The following DAPK1 variants were observed in gnomAD, a reference collection of about 807,000 sequenced individuals.
DAPK1 encodes death-associated protein kinase 1.
In DAPK1, 56 loss-of-function variants were observed where a neutral mutation model predicts 144.9. That is an observed-to-expected ratio of 0.39 (90% CI 0.31 to 0.48). DAPK1 has a LOEUF of 0.48. DAPK1 is among the 20% of genes least tolerant of loss of function. The pLI is 0.95. For missense variants in DAPK1, 1,454 were observed against 1,875.4 expected (o/e 0.78, Z 4.15); for synonymous variants, 690 against 749.0 (o/e 0.92, Z 1.29).
At chr9:87,672,952 A>G (rs926068647) in intron 19 of DAPK1, among the ~76,000 whole-genome samples, 6 of 152,106 alleles carry the variant, frequency 3.9e-5, no homozygotes, top group Non-Finnish European at 5.9e-5. Flanking sequence ...CGGGTACATG[A>G]TCGGGGAGGG....
chr9:87,549,021 T>A (rs1327118287), intron 2 of DAPK1, among the ~76,000 whole-genome samples: 1 of 149,614 alleles, frequency 6.7e-6, no homozygotes, highest in Non-Finnish European at 1.5e-5. Flanking sequence ...CATGGTGGTT[T>A]GCTGCACAGA....
intron 2 of DAPK1, among the ~76,000 whole-genome samples, chr9:87,541,486 TTGC>T (rs1826050332): frequency 6.6e-6 from 1 of 151,096 alleles, no homozygotes; most frequent in Non-Finnish European, 1.5e-5. Flanking sequence ...GAGGCAAAGA[TTGC>T]GGTGAGTGGA....
intron 2 of DAPK1, among the ~76,000 whole-genome samples, chr9:87,597,728 A>T (rs756510200): frequency 6.6e-6 from 1 of 151,994 alleles, no homozygotes; most frequent in Non-Finnish European, 1.5e-5. Flanking sequence ...CTCCATCTGC[A>T]CAGGGCCCTG....
intron 9 of DAPK1, among the ~76,000 whole-genome samples, chr9:87,641,096 T>G (rs545780293): frequency 2.8e-4 from 43 of 152,210 alleles, no homozygotes; most frequent in African/African-American, 1.0e-3. Context: ...GACAACTGTG[T>G]TTGGAGTGAC....
At chr9:87,636,353 G>C (rs1419859324) in intron 3 of DAPK1, among the ~76,000 whole-genome samples, 3 of 152,212 alleles carry the variant, frequency 2.0e-5, no homozygotes, top group Admixed American at 2.0e-4. Context: ...GGGGATAGGA[G>C]AGTCACTCCA....
chr9:87,646,647 T>A, intron 13 of DAPK1, 88 bp downstream of exon 13: 1 of 953,162 alleles, frequency 1.0e-6, no homozygotes, highest in South Asian at 1.5e-5. Context: ...AAAAAATTTA[T>A]GTCCTAACTT....
At chr9:87,602,574 C>G (rs1322540709) in intron 2 of DAPK1, among the ~76,000 whole-genome samples, 2 of 152,134 alleles carry the variant, frequency 1.3e-5, no homozygotes, top group Admixed American at 1.3e-4. Context: ...GTTTTTGTAT[C>G]TAGGCTTGCA....
At chr9:87,699,974 AG>A (rs1326503601) in intron 23 of DAPK1, 142 bp from the exon 24 acceptor site, 10 of 654,062 alleles carry the variant, frequency 1.5e-5, no homozygotes, top group Non-Finnish European at 2.7e-5. Context: ...CACCAACAGC[AG>A]GGATGGGGAG....
chr9:87,594,922 A>G (rs1383239554), intron 2 of DAPK1, among the ~76,000 whole-genome samples: 1 of 152,154 alleles, frequency 6.6e-6, no homozygotes, highest in African/African-American at 2.4e-5. Flanking sequence ...TAATGGGTCA[A>G]TCCCAGGAAG....
intron 21 of DAPK1, among the ~76,000 whole-genome samples, chr9:87,694,736 G>A (rs555232489): frequency 1.3e-5 from 2 of 152,304 alleles, no homozygotes; most frequent in East Asian, 1.9e-4. Flanking sequence ...GCCAGCCAAG[G>A]TGGTGGCTGC....
At chr9:87,518,361 C>A (rs1179598368) in intron 2 of DAPK1, among the ~76,000 whole-genome samples, 2 of 149,820 alleles carry the variant, frequency 1.3e-5, no homozygotes, top group Non-Finnish European at 1.5e-5. Flanking sequence ...CTCCTGACCT[C>A]TGGTGATCCA....
In DAPK1 at chr9:87,678,654, A is replaced by C. The variant is rs1427891260; in HGVS notation, c.2002-2750A>C. On this transcript the variant is annotated intron_variant, in intron 19 of 25. Transcript: ENST00000408954. ...TGTGGATGATGTGTAAAATGTAGTT[A>C]AGTTCTCAGCTCAGATGATTGTAAA... is the stretch of plus-strand genomic sequence containing the variant. Among the ~76,000 whole-genome samples, 3 of 152,356 alleles carry C rather than the reference A, an allele frequency of 2.0e-5. No individual in the cohort carries two copies. The East Asian group carries it at 5.8e-4, about 29-fold the overall frequency.
At chr9:87,498,766 C>T (rs2270405) in intron 1 of DAPK1, 11 of 435,188 alleles carry the variant, frequency 2.5e-5, no homozygotes, top group Middle Eastern at 6.0e-4. Context: ...CCGTGGTGCC[C>T]GGCCCCACGC....
chr9:87,605,037 C>G lies in DAPK1; in HGVS notation c.146C>G (p.Thr49Ser). The G allele has an allele frequency of 6.2e-7, 1 of 1,614,210 alleles. No homozygotes were observed. The highest frequency in any genetic ancestry group is 1.3e-5 in the African/African-American group (1 of 75,058). ...GCCAAATTCATCAAGAAAAGGAGGA[C>G]TAAGTCCAGCCGGCGGGGTGTGAGC... ...YAAKFIKKRR[T>S]KSSRRGVSRE... The change falls in exon 3 of 26, where the codon ACT becomes AGT. Residue 49 changes from threonine to serine, a missense_variant. By Grantham distance (58) the Thr-to-Ser change is moderately conservative. Coordinates refer to ENST00000408954, the MANE Select transcript of DAPK1 (RefSeq NM_004938.4).
chr9:87,629,556 A>G (rs1829597155), intron 3 of DAPK1, among the ~76,000 whole-genome samples: 2 of 152,096 alleles, frequency 1.3e-5, no homozygotes, highest in African/African-American at 4.8e-5. Context: ...TAAAAATTTT[A>G]TGTAGAGATG....
At chr9:87,585,479 A>G (rs920092203) in intron 2 of DAPK1, among the ~76,000 whole-genome samples, 1 of 152,266 alleles carries the variant, frequency 6.6e-6, no homozygotes, top group Non-Finnish European at 1.5e-5. Context: ...AGTGCACACA[A>G]ATTACGAGCT....
intron 2 of DAPK1, chr9:87,554,149 C>T (rs575157204): frequency 8.5e-5 from 13 of 152,310 alleles, no homozygotes; most frequent in African/African-American, 2.4e-4. Context: ...GCATACATCA[C>T]GAGCAGCATT....
At chr9:87,665,824 G>A (rs754815756) in intron 18 of DAPK1, among the ~76,000 whole-genome samples, 2 of 152,192 alleles carry the variant, frequency 1.3e-5, no homozygotes, top group East Asian at 1.9e-4. Context: ...AAGAGACACC[G>A]TGATTTCTGG....
chr9:87,565,251 A>G (rs1427915189), intron 2 of DAPK1, among the ~76,000 whole-genome samples: 1 of 152,108 alleles, frequency 6.6e-6, no homozygotes, highest in Admixed American at 6.5e-5. Context: ...GGCTGTAGAG[A>G]AAGAAAAACG....
Sources: gnomAD v4.1 joint callset for allele counts (sites outside exome capture counted in the v4.1 genomes callset) on GRCh38, gnomAD v4.1.1 for gene constraint, MANE v1.5 for transcripts, NCBI Gene and HGNC (gene_info 2026-07-23, HGNC 2026-07-21) for gene names.